KANSL1L: variants seen among roughly 807,000 people sequenced by gnomAD.
The protein encoded by KANSL1L is KAT8 regulatory NSL complex subunit 1 like.
A neutral mutation model predicts 108.6 loss-of-function variants in KANSL1L; 25 were observed. The observed-to-expected ratio is 0.23, with a 90% CI of 0.17 to 0.32. KANSL1L has a LOEUF of 0.32. Ranked by LOEUF, KANSL1L falls within the 10% of genes least tolerant of loss-of-function variation. The pLI is 1.00. For synonymous variants in KANSL1L, 405 were observed against 395.1 expected, an observed-to-expected ratio of 1.03 and a Z score of -0.30; for missense variants, 1,137 against 1,125.7, an observed-to-expected ratio of 1.01 and a Z score of -0.14.
At chr2:210,140,300 G>A (rs900136155) in intron 2 of KANSL1L, among the ~76,000 whole-genome samples, 2 of 152,146 alleles carry the variant, frequency 1.3e-5, no homozygotes, top group Non-Finnish European at 1.5e-5. Context: ...CAGGTCTTAT[G>A]TTGAAGTCTT....
At position 210,167,188 on chromosome 2, in the gene KANSL1L, T is replaced by G. The variant is rs570886137; in HGVS notation, c.-30+3961A>C. 2.6e-5 allele frequency among the ~76,000 whole-genome samples: 4 copies of G among 152,164 alleles called. No homozygotes were observed. In the South Asian group the frequency reaches 8.3e-4, roughly 32 times the overall value. On this transcript the variant is annotated intron_variant, in intron 1 of 14. Coordinates refer to ENST00000281772, the MANE Select transcript of KANSL1L (RefSeq NM_152519.4). ...TGGAAAGTAGGAATACAAAATACAGTGTTGTTTTCAAGATTTCTTCATGCC... is the reference window on the plus strand; with the variant it reads ...TGGAAAGTAGGAATACAAAATACAGGGTTGTTTTCAAGATTTCTTCATGCC...
intron 1 of KANSL1L, among the ~76,000 whole-genome samples, chr2:210,159,125 C>T (rs1017514862): frequency 3.9e-5 from 6 of 152,200 alleles, no homozygotes; most frequent in African/African-American, 7.2e-5. Context: ...GTTGTCCTTA[C>T]GATAGCCTAC....
At chr2:210,124,254 G>A (rs1227146517) in intron 3 of KANSL1L, among the ~76,000 whole-genome samples, 1 of 151,942 alleles carries the variant, frequency 6.6e-6, no homozygotes, top group Non-Finnish European at 1.5e-5. Flanking sequence ...CCATATGTTA[G>A]GCCAAATATT....
intron 3 of KANSL1L, among the ~76,000 whole-genome samples, chr2:210,126,152 T>A (rs751741795): frequency 6.6e-6 from 1 of 152,168 alleles, no homozygotes; most frequent in African/African-American, 2.4e-5. Flanking sequence ...TCAGGTGCGT[T>A]TTTTATACAC....
At chr2:210,049,432 G>A (rs2125220078) in intron 6 of KANSL1L, among the ~76,000 whole-genome samples, 1 of 151,576 alleles carries the variant, frequency 6.6e-6, no homozygotes, top group Non-Finnish European at 1.5e-5. Flanking sequence ...TTTTTCTATG[G>A]TAATGTTCCT....
At chr2:210,040,059 T>C (rs2094147570) in intron 8 of KANSL1L, among the ~76,000 whole-genome samples, 1 of 151,894 alleles carries the variant, frequency 6.6e-6, no homozygotes, top group Non-Finnish European at 1.5e-5. Flanking sequence ...TTTAGAATTA[T>C]TTTAAGTTAA....
chr2:210,123,063 G>C (rs916969920), intron 3 of KANSL1L, among the ~76,000 whole-genome samples: 1 of 152,120 alleles, frequency 6.6e-6, no homozygotes, highest in Non-Finnish European at 1.5e-5. Flanking sequence ...CAAAGTTGTA[G>C]AGAAAAAGGA....
intron 2 of KANSL1L, among the ~76,000 whole-genome samples, chr2:210,139,760 G>A (rs939342706): frequency 4.5e-4 from 27 of 60,076 alleles, no homozygotes; most frequent in Non-Finnish European, 7.7e-4. Context: ...TTTTTTTTTT[G>A]AGACAGGGTC....
At chr2:210,164,076 G>A (rs1353791737) in intron 1 of KANSL1L, among the ~76,000 whole-genome samples, 1 of 152,014 alleles carries the variant, frequency 6.6e-6, no homozygotes, top group Non-Finnish European at 1.5e-5. Context: ...TTTTAAACTT[G>A]CTACTACTAG....
chr2:210,138,838 C>T (rs577125208), intron 2 of KANSL1L, among the ~76,000 whole-genome samples: 1 of 152,230 alleles, frequency 6.6e-6, no homozygotes, highest in African/African-American at 2.4e-5. Flanking sequence ...GTGGCTCACA[C>T]CTGTATTCCC....
At chr2:210,055,757 C>A (rs115985471) in intron 6 of KANSL1L, among the ~76,000 whole-genome samples, 2,214 of 152,232 alleles carry the variant, frequency 0.015, 65 homozygotes, top group African/African-American at 0.051. Flanking sequence ...GAAAGATGAT[C>A]TAGAGTATCT....
At chr2:210,046,306 A>G (rs1262604528) in intron 6 of KANSL1L, among the ~76,000 whole-genome samples, 1 of 152,136 alleles carries the variant, frequency 6.6e-6, no homozygotes, top group Non-Finnish European at 1.5e-5. Flanking sequence ...CCATCCCAGC[A>G]GCCCAAAAAT....
Position 210,154,468 on chromosome 2 carries a change from T to C in KANSL1L, c.115A>G (p.Lys39Glu). 7 of 1,613,478 alleles carry C rather than the reference T, an allele frequency of 4.3e-6. No homozygotes were observed. The highest frequency in any genetic ancestry group is 5.9e-6 in the Non-Finnish European group (7 of 1,179,734). Reference protein sequence around the residue: ...YMESPRTVDEKLKGDTFSQML... With the variant: ...YMESPRTVDEELKGDTFSQML... ...TGAGAAAAGGTGTCTCCCTTTAGCT[T>C]TTCATCTACAGTTCTGGGACTTTCC... Residue 39 changes from lysine to glutamate, a missense_variant, in exon 2 of 15, where the codon AAG becomes GAG. By Grantham distance (56) the Lys-to-Glu change is moderately conservative. Around this residue, in one of 3 missense-constraint regions of KANSL1L, gnomAD observed 556 missense variants for 537.7 expected, o/e 1.03. Coordinates refer to ENST00000281772, the MANE Select transcript of KANSL1L (RefSeq NM_152519.4).
chr2:210,033,687 G>C (rs1235450662), intron 8 of KANSL1L, among the ~76,000 whole-genome samples: 2 of 128,532 alleles, frequency 1.6e-5, no homozygotes, highest in South Asian at 5.5e-4. Context: ...CTGCCACCAC[G>C]CCCGGCTATT....
chr2:210,084,682 C>T (rs1352954096), intron 5 of KANSL1L, among the ~76,000 whole-genome samples: 1 of 151,914 alleles, frequency 6.6e-6, no homozygotes, highest in African/African-American at 2.4e-5. Flanking sequence ...GGCACGATCT[C>T]GGCTCACTGC....
intron 1 of KANSL1L, among the ~76,000 whole-genome samples, chr2:210,160,806 A>G (rs1025405372): frequency 2.6e-5 from 4 of 152,206 alleles, no homozygotes; most frequent in African/African-American, 9.6e-5. Context: ...GCTAATTCAA[A>G]GATTTATATG....
In KANSL1L at chr2:210,097,562, T is replaced by C. The variant is rs1016551771; in HGVS notation, c.1550+524A>G. On this transcript the variant is annotated intron_variant, in intron 5 of 14. Coordinates refer to ENST00000281772, the MANE Select transcript of KANSL1L (RefSeq NM_152519.4). Reference sequence around the variant, plus strand: ...AAAGGACTAAGATTCATAGTGTATATATTTTTGCTAATATAGATAAATTGT... The same window carrying C: ...AAAGGACTAAGATTCATAGTGTATACATTTTTGCTAATATAGATAAATTGT... 2.0e-5 allele frequency: 3 copies of C among 152,924 alleles called. No individual in the cohort carries two copies. In the Admixed American group the frequency reaches 2.0e-4, roughly 10 times the overall value. 9.5% of individuals were successfully genotyped at this position (152,924 alleles called of 1,614,324 possible).
At chr2:210,144,422 C>T (rs1322168706) in intron 2 of KANSL1L, among the ~76,000 whole-genome samples, 1 of 152,192 alleles carries the variant, frequency 6.6e-6, no homozygotes, top group Non-Finnish European at 1.5e-5. Context: ...CTCTCTTCTA[C>T]TTCCTTAATT....
At chr2:210,112,002 T>C (rs916488110) in intron 3 of KANSL1L, among the ~76,000 whole-genome samples, 3 of 151,916 alleles carry the variant, frequency 2.0e-5, no homozygotes, top group Non-Finnish European at 4.4e-5. Flanking sequence ...TTTGTCCTTG[T>C]GATAGTTTGC....
Sources: allele counts gnomAD v4.1 joint callset (sites outside exome capture counted in the v4.1 genomes callset), GRCh38; gene constraint gnomAD v4.1.1; regional missense constraint gnomAD v4.1.1; transcripts MANE v1.5; gene names NCBI Gene and HGNC (gene_info 2026-07-23, HGNC 2026-07-21).